Variants in TRAP1 observed in about 807,000 individuals in gnomAD.
The protein encoded by TRAP1 is TNF receptor associated protein 1, also known as heat shock protein 75 kDa, mitochondrial.
In TRAP1, 102 loss-of-function variants were observed where a neutral mutation model predicts 89.1. That is an observed-to-expected ratio of 1.15 (90% CI 0.98 to 1.35). The LOEUF is 1.35. Among genes scored for constraint, TRAP1 ranks in the 40% most tolerant of loss-of-function variants. TRAP1 has a pLI of 0.00. For synonymous variants in TRAP1, 508 were observed against 388.0 expected (o/e 1.31, Z -3.64); for missense variants, 1,256 against 945.3 (o/e 1.33, Z -4.31).
chr16:3,679,731 T>A lies in TRAP1; in HGVS notation c.531A>T (p.Arg177Ser), dbSNP rs747772955. ...ELVSNLGTIA[R>S]SGSKAFLDAL... ...GCCCCACGCTTACCTTTGACCCCGATCTGGCAATCGTCCCCAGGTTGGACA... is the reference window on the plus strand; with the variant it reads ...GCCCCACGCTTACCTTTGACCCCGAACTGGCAATCGTCCCCAGGTTGGACA... Residue 177 changes from arginine to serine, a missense_variant, in exon 5 of 18, where the codon AGA becomes AGT. By Grantham distance (110) the Arg-to-Ser change is moderately radical (BLOSUM62 -1). Coordinates refer to ENST00000246957, the MANE Select transcript of TRAP1 (RefSeq NM_016292.3). 6.2e-7 allele frequency: 1 copy of A among 1,614,114 alleles called. No homozygotes were observed.
chr16:3,674,972 G>A (rs892557466), intron 8 of TRAP1: 2 of 336,166 alleles, frequency 5.9e-6, no homozygotes, highest in African/African-American at 4.2e-5. Flanking sequence ...GGGGCAGTGG[G>A]GAAAGGGCTG....
chr16:3,678,282 T>C (rs1043404203), intron 5 of TRAP1: 6 of 152,590 alleles, frequency 3.9e-5, no homozygotes, highest in African/African-American at 7.2e-5. Context: ...ACCTGCAATG[T>C]GGCCTGTGCA....
chr16:3,679,874 G>T, intron 4 of TRAP1, 84 bp from the exon 5 acceptor site: 1 of 1,380,146 alleles, frequency 7.2e-7, no homozygotes, highest in Non-Finnish European at 1.0e-6. Context: ...GGACTCAAGT[G>T]GTGTCAATGA....
intron 9 of TRAP1, 69 bp from the exon 10 acceptor site, chr16:3,672,889 G>GTCA: frequency 6.5e-7 from 1 of 1,541,244 alleles, no homozygotes. Context: ...CTGGGAGGTG[G>GTCA]GGGCGGACAC....
intron 11 of TRAP1, among the ~76,000 whole-genome samples, chr16:3,668,348 C>A (rs921626315): frequency 6.6e-6 from 1 of 152,030 alleles, no homozygotes; most frequent in Non-Finnish European, 1.5e-5. Context: ...GCGTGAGCCA[C>A]CGCGCCCGGC....
rs1555468939 is a variant in TRAP1 at position 3,717,460 on chromosome 16, G to A, written c.49C>T (p.Pro17Ser). ...GCCAGCGCCGGCGCCCGCAGCAAAG[G>A]CCGCAGGCGGCGGCCCCACAGCAGC... is the stretch of plus-strand genomic sequence containing the variant. ...ALLLWGRRLR[P>S]LLRAPALAAV... Residue 17 changes from proline to serine, a missense_variant, in exon 1 of 18, where the codon CCT becomes TCT. Pro to Ser is a moderately conservative substitution (Grantham distance 74, BLOSUM62 -1). Transcript: ENST00000246957. 5 of 1,298,496 alleles carry A rather than the reference G, an allele frequency of 3.9e-6. No individual in the cohort carries two copies. Among genetic ancestry groups the A allele is most frequent in the Non-Finnish European group, 4.9e-6 (5 of 1,030,412 alleles). 80.4% of individuals were successfully genotyped at this position (1,298,496 alleles called of 1,614,324 possible).
chr16:3,710,847 ATG>A (rs989482091), intron 1 of TRAP1, among the ~76,000 whole-genome samples: 7 of 140,480 alleles, frequency 5.0e-5, no homozygotes, highest in Middle Eastern at 3.6e-3. Context: ...TTTCTTTTAT[ATG>A]TGTGTGTGTA....
intron 1 of TRAP1, among the ~76,000 whole-genome samples, chr16:3,697,524 C>CATA (rs2051305815): frequency 4.0e-5 from 6 of 151,476 alleles, no homozygotes; most frequent in Admixed American, 4.0e-4. Context: ...ATTAGCCAGG[C>CATA]GTAGTGGTGG....
At chr16:3,696,650 G>A (rs1371521785) in intron 1 of TRAP1, among the ~76,000 whole-genome samples, 4 of 152,024 alleles carry the variant, frequency 2.6e-5, no homozygotes, top group Non-Finnish European at 4.4e-5. Flanking sequence ...CGACCTTCCC[G>A]GGCTCAGGTG....
At chr16:3,708,215 C>T (rs1479565222) in intron 1 of TRAP1, among the ~76,000 whole-genome samples, 1 of 151,748 alleles carries the variant, frequency 6.6e-6, no homozygotes, top group East Asian at 1.9e-4. Flanking sequence ...AAATTTAGTG[C>T]CGTGGCTCAC....
chr16:3,697,242 A>C (rs893963538), intron 1 of TRAP1, among the ~76,000 whole-genome samples: 1 of 152,208 alleles, frequency 6.6e-6, no homozygotes, highest in African/African-American at 2.4e-5. Context: ...AGCAAAACTG[A>C]GCACTGTCCC....
intron 11 of TRAP1, among the ~76,000 whole-genome samples, chr16:3,668,350 G>A (rs1318778325): frequency 2.0e-5 from 3 of 152,128 alleles, no homozygotes; most frequent in Admixed American, 6.6e-5. Flanking sequence ...GTGAGCCACC[G>A]CGCCCGGCCA....
chr16:3,678,721 A>G (rs2051034339), intron 5 of TRAP1, among the ~76,000 whole-genome samples: 1 of 152,110 alleles, frequency 6.6e-6, no homozygotes, highest in Non-Finnish European at 1.5e-5. Flanking sequence ...TCGGCCTCCC[A>G]AAGTACTGGG....
At chr16:3,685,507 G>C (rs1348225625) in intron 4 of TRAP1, among the ~76,000 whole-genome samples, 1 of 151,684 alleles carries the variant, frequency 6.6e-6, no homozygotes, top group Non-Finnish European at 1.5e-5. Flanking sequence ...CGTGACCCTG[G>C]GATGACAGGT....
intron 16 of TRAP1, 29 bp downstream of exon 16, chr16:3,661,958 G>C (rs769018281): frequency 1.9e-6 from 3 of 1,570,246 alleles, no homozygotes; most frequent in Non-Finnish European, 2.6e-6. Flanking sequence ...GAATCCCACA[G>C]GCTGGAAGAG....
chr16:3,671,915 G>C (rs2050919201), intron 10 of TRAP1, 124 bp from the exon 11 acceptor site: 1 of 1,011,500 alleles, frequency 9.9e-7, no homozygotes, highest in South Asian at 1.4e-5. Flanking sequence ...TAAGAGGGAA[G>C]CAGGGAGGCG....
At chr16:3,677,827 G>A (rs1288341920) in intron 5 of TRAP1, 169 bp from the exon 6 acceptor site, 8 of 743,306 alleles carry the variant, frequency 1.1e-5, no homozygotes, top group Non-Finnish European at 1.7e-5. Context: ...ACAGAGAGGT[G>A]ACACATTAGC....
At chr16:3,664,193 T>C in intron 13 of TRAP1, 81 bp downstream of exon 13, 1 of 1,401,906 alleles carries the variant, frequency 7.1e-7, no homozygotes, top group Admixed American at 2.9e-5. Context: ...TTGGGCAGGT[T>C]CACCCAGCAC....
chr16:3,709,537 T>C (rs1052153246), intron 1 of TRAP1, among the ~76,000 whole-genome samples: 1 of 152,176 alleles, frequency 6.6e-6, no homozygotes, highest in East Asian at 1.9e-4. Context: ...ACATCCTCGC[T>C]ATGGAATACC....
Sources: gnomAD v4.1 joint callset for allele counts (sites outside exome capture counted in the v4.1 genomes callset) on GRCh38, gnomAD v4.1.1 for gene constraint, MANE v1.5 for transcripts, NCBI Gene and HGNC (gene_info 2026-07-23, HGNC 2026-07-21) for gene names.